Variants in UBE3D observed in about 807,000 individuals in gnomAD.
UBE3D encodes ubiquitin protein ligase E3D.
Under a neutral mutation model 49.6 loss-of-function variants are expected in UBE3D, and 48 were observed. The observed-to-expected ratio is 0.97, with a 90% CI of 0.77 to 1.23. The LOEUF (loss-of-function observed/expected upper bound fraction) is 1.23, where lower values mean the gene tolerates loss of function less well. Among genes scored for constraint, UBE3D ranks in the 50% most tolerant of loss-of-function variants. The pLI, the probability that UBE3D is intolerant of heterozygous loss-of-function variation, is 0.00. For missense variants in UBE3D, 452 were observed against 468.4 expected (o/e 0.96, Z 0.32); for synonymous variants, 189 against 174.2 (o/e 1.08, Z -0.67).
At chr6:82,990,006 A>T (rs1778777450) in intron 8 of UBE3D, among the ~76,000 whole-genome samples, 1 of 152,202 alleles carries the variant, frequency 6.6e-6, no homozygotes, top group Non-Finnish European at 1.5e-5. Context: ...CTTTTTATAG[A>T]GGTCACTGAT....
intron 8 of UBE3D, among the ~76,000 whole-genome samples, chr6:82,986,461 A>C (rs1582554861): frequency 8.6e-6 from 1 of 116,336 alleles, no homozygotes; most frequent in African/African-American, 3.5e-5. Flanking sequence ...ACAGAGAAAC[A>C]CTCTGTCTCA....
intron 9 of UBE3D, among the ~76,000 whole-genome samples, chr6:82,920,573 C>T (rs2127734747): frequency 6.6e-6 from 1 of 152,236 alleles, no homozygotes; most frequent in South Asian, 2.1e-4. Context: ...TGATATGAAC[C>T]TCTCCAAAGT....
At chr6:83,011,720 C>T (rs542344812) in intron 8 of UBE3D, among the ~76,000 whole-genome samples, 29 of 152,208 alleles carry the variant, frequency 1.9e-4, no homozygotes, top group African/African-American at 6.3e-4. Flanking sequence ...TTAATGGAAT[C>T]GTTGTTTTGT....
intron 8 of UBE3D, among the ~76,000 whole-genome samples, chr6:83,005,735 G>A (rs907656858): frequency 1.3e-4 from 20 of 151,826 alleles, no homozygotes; most frequent in African/African-American, 3.9e-4. Context: ...AGAAGCAACC[G>A]AAATGTCCAC....
chr6:82,937,505 G>C (rs925475807), intron 9 of UBE3D, among the ~76,000 whole-genome samples: 2 of 152,156 alleles, frequency 1.3e-5, no homozygotes, highest in African/African-American at 4.8e-5. Flanking sequence ...CCACTTGACT[G>C]AACACAGCCA....
chr6:82,947,608 T>C (rs1775499404), intron 9 of UBE3D, among the ~76,000 whole-genome samples: 1 of 152,026 alleles, frequency 6.6e-6, no homozygotes, highest in African/African-American at 2.4e-5. Flanking sequence ...ACAGACCTTC[T>C]GTTAACGTCA....
At chr6:83,024,081 AT>A in intron 5 of UBE3D, 43 bp from the exon 6 acceptor site, 2 of 1,129,644 alleles carry the variant, frequency 1.8e-6, no homozygotes, top group Non-Finnish European at 2.5e-6. Context: ...CAATACACTA[AT>A]AATTTTATTG....
At chr6:82,896,779 T>C (rs1284503305) in intron 9 of UBE3D, among the ~76,000 whole-genome samples, 1 of 152,086 alleles carries the variant, frequency 6.6e-6, no homozygotes, top group East Asian at 1.9e-4. Context: ...TCTTGCTCTG[T>C]TGCCCAGGCT....
At chr6:83,038,034 TTACCAGGAA>T (rs1281365494) in intron 5 of UBE3D, 2 of 145,760 alleles carry the variant, frequency 1.4e-5, no homozygotes, top group African/African-American at 2.6e-5. Flanking sequence ...GTTTCGTGAG[TTACCAGGAA>T]GGTAAAATTA....
intron 8 of UBE3D, among the ~76,000 whole-genome samples, chr6:82,960,940 G>C (rs192437132): frequency 1.3e-5 from 2 of 152,218 alleles, no homozygotes; most frequent in East Asian, 3.9e-4. Context: ...CTTTCATTCT[G>C]AATTTTTTTA....
At chr6:83,063,897 G>T (rs1784335113) in intron 1 of UBE3D, among the ~76,000 whole-genome samples, 1 of 152,108 alleles carries the variant, frequency 6.6e-6, no homozygotes, top group African/African-American at 2.4e-5. Flanking sequence ...TACCTAAAAA[G>T]AAATGAAAAT....
chr6:83,060,713 G>C (rs1371573208), intron 1 of UBE3D, among the ~76,000 whole-genome samples: 2 of 152,218 alleles, frequency 1.3e-5, no homozygotes, highest in African/African-American at 4.8e-5. Context: ...AATATGCCTG[G>C]AACATGTTGC....
chr6:83,063,114 C>A, intron 1 of UBE3D: 2 of 243,386 alleles, frequency 8.2e-6, no homozygotes, highest in Non-Finnish European at 1.7e-5. Flanking sequence ...CATCAAAGGA[C>A]ACTATCAAAA....
At chr6:82,968,768 T>G (rs936478124) in intron 8 of UBE3D, among the ~76,000 whole-genome samples, 3 of 152,232 alleles carry the variant, frequency 2.0e-5, no homozygotes, top group African/African-American at 7.2e-5. Flanking sequence ...ATATCTGGTT[T>G]ATATTTGCTT....
intron 3 of UBE3D, among the ~76,000 whole-genome samples, 166 bp downstream of exon 3, chr6:83,053,982 C>A (rs376189885): frequency 6.6e-6 from 1 of 152,092 alleles, no homozygotes; most frequent in African/African-American, 2.4e-5. Flanking sequence ...AATCACTCTG[C>A]GATTGCTAGC....
chr6:82,894,397 G>A (rs1184900113), intron 9 of UBE3D, among the ~76,000 whole-genome samples: 4 of 152,046 alleles, frequency 2.6e-5, no homozygotes, highest in Non-Finnish European at 4.4e-5. Context: ...GGGCCAAACC[G>A]CCTGATCATA....
chr6:82,907,383 A>C (rs1347655303), intron 9 of UBE3D, among the ~76,000 whole-genome samples: 2 of 152,238 alleles, frequency 1.3e-5, no homozygotes, highest in Admixed American at 1.3e-4. Flanking sequence ...GAAACAAACA[A>C]ACAAAATCCA....
At chr6:83,028,446 C>T (rs1025741610) in intron 5 of UBE3D, among the ~76,000 whole-genome samples, 2 of 152,134 alleles carry the variant, frequency 1.3e-5, no homozygotes, top group Admixed American at 6.5e-5. Flanking sequence ...TCCCTCAAGT[C>T]CCAAAGGATT....
intron 9 of UBE3D, among the ~76,000 whole-genome samples, chr6:82,928,424 T>C (rs968539199): frequency 1.3e-5 from 2 of 151,344 alleles, no homozygotes; most frequent in Non-Finnish European, 1.5e-5. Context: ...ACATTTCAAC[T>C]ATTTCCTGAT....
Sources: allele counts gnomAD v4.1 joint callset (sites outside exome capture counted in the v4.1 genomes callset), GRCh38; gene constraint gnomAD v4.1.1; transcripts MANE v1.5; gene names NCBI Gene and HGNC (gene_info 2026-07-23, HGNC 2026-07-21).